ERG: variants seen among roughly 807,000 people sequenced by gnomAD.
ERG encodes the protein transcriptional regulator ERG.
A neutral mutation model predicts 55.3 loss-of-function variants in ERG; 9 were observed. The ratio of observed to expected loss-of-function variants is 0.16; its 90% CI spans 0.10 to 0.28. The LOEUF is 0.28. ERG is among the 10% of genes least tolerant of loss of function. ERG has a pLI of 1.00. For missense variants in ERG, 434 were observed against 631.6 expected (o/e 0.69, Z 3.35); for synonymous variants, 223 against 237.3 (o/e 0.94, Z 0.55).
chr21:38,441,965 C>T (rs989420154), intron 2 of ERG, among the ~76,000 whole-genome samples: 4 of 152,234 alleles, frequency 2.6e-5, no homozygotes, highest in Non-Finnish European at 5.9e-5. Context: ...TGATGGTCTT[C>T]ACTCGGTATC....
At chr21:38,541,093 C>T (rs1601212498) in intron 2 of ERG, among the ~76,000 whole-genome samples, 1 of 152,156 alleles carries the variant, frequency 6.6e-6, no homozygotes, top group Non-Finnish European at 1.5e-5. Context: ...CACTGTGGTA[C>T]GTCTATCTGG....
In ERG at chr21:38,391,715, G is replaced by C. The variant is rs2146429335; in HGVS notation, c.815C>G (p.Ala272Gly). The change falls in exon 8 of 10, where the codon GCT becomes GGT. Residue 272 changes from alanine to glycine, a missense_variant and splice_region_variant. This residue lies in a region of ERG where 99 missense variants were observed against 145.6 expected (regional missense o/e 0.68). Transcript: ENST00000288319. ...CACTGTGGAAGGAGATGGTTGAGCA[G>C]CTGAAAATCCAGAAATACAAAAGGC... ...GHGHPTPQSK[A>G]AQPSPSTVPK... 1.2e-6 allele frequency: 2 copies of C among 1,613,508 alleles called. No homozygotes were observed. The highest frequency in any genetic ancestry group is 4.5e-5 in the East Asian group (2 of 44,866).
intron 1 of ERG, among the ~76,000 whole-genome samples, chr21:38,492,920 A>G (rs2059348722): frequency 6.6e-6 from 1 of 152,218 alleles, no homozygotes; most frequent in Non-Finnish European, 1.5e-5. Context: ...AAGAAGTACA[A>G]ATAAAAATGA....
intron 3 of ERG, among the ~76,000 whole-genome samples, chr21:38,413,860 A>G (rs912013281): frequency 2.0e-5 from 3 of 151,984 alleles, no homozygotes; most frequent in African/African-American, 7.3e-5. Flanking sequence ...AAATGTTGCT[A>G]TCCCCAGAGT....
intron 2 of ERG, among the ~76,000 whole-genome samples, chr21:38,566,610 G>A (rs1275271555): frequency 6.6e-6 from 1 of 152,158 alleles, no homozygotes; most frequent in African/African-American, 2.4e-5. Flanking sequence ...CTGATGTTTT[G>A]AAACCCAAGG....
At chr21:38,426,443 CTT>C (rs1485168640) in intron 2 of ERG, among the ~76,000 whole-genome samples, 1 of 152,170 alleles carries the variant, frequency 6.6e-6, no homozygotes, top group Non-Finnish European at 1.5e-5. Context: ...AGGAAAAAGA[CTT>C]TGCCCAGATG....
intron 1 of ERG, among the ~76,000 whole-genome samples, chr21:38,655,540 C>A (rs2146992112): frequency 6.6e-6 from 1 of 152,308 alleles, no homozygotes; most frequent in East Asian, 1.9e-4. Context: ...CTCTTCTCAC[C>A]CTTTAGCAAT....
chr21:38,519,549 C>G (rs2059578156), intron 2 of ERG, among the ~76,000 whole-genome samples: 1 of 152,186 alleles, frequency 6.6e-6, no homozygotes, highest in South Asian at 2.1e-4. Context: ...TGTGGTGACT[C>G]TCATTTGCTT....
chr21:38,409,488 TAA>T (rs71330329), intron 3 of ERG, among the ~76,000 whole-genome samples: 6 of 79,528 alleles, frequency 7.5e-5, no homozygotes, highest in Admixed American at 3.4e-4. Context: ...CTCCGTCTCA[TAA>T]AAAAAAAAAA....
chr21:38,392,308 T>C (rs1302712500), intron 7 of ERG, 68 bp downstream of exon 7: 3 of 1,275,454 alleles, frequency 2.4e-6, no homozygotes, highest in Non-Finnish European at 3.4e-6. Context: ...GAAATTATTA[T>C]ATACTCCATC....
upstream of ERG, among the ~76,000 whole-genome samples, chr21:38,501,849 T>A (rs1419969059): frequency 6.6e-6 from 1 of 152,240 alleles, no homozygotes; most frequent in African/African-American, 2.4e-5. Flanking sequence ...CCTCACATTT[T>A]ACTCCAAAGA....
chr21:38,556,708 C>T (rs934810076), intron 2 of ERG, among the ~76,000 whole-genome samples: 9 of 152,116 alleles, frequency 5.9e-5, no homozygotes, highest in African/African-American at 1.9e-4. Context: ...AAAAGAAAGG[C>T]TTCTGAGGAC....
intron 3 of ERG, among the ~76,000 whole-genome samples, chr21:38,411,486 T>C (rs1169546293): frequency 6.6e-6 from 1 of 152,126 alleles, no homozygotes; most frequent in Admixed American, 6.6e-5. Context: ...TTTTGTATTT[T>C]TAATAGAGAT....
chr21:38,368,708 T>C, the ERG span, among the ~76,000 whole-genome samples: 6 of 152,192 alleles, frequency 3.9e-5, no homozygotes, highest in Admixed American at 2.0e-4. Flanking sequence ...GACTATTTCA[T>C]CACTCAGGTA....
At chr21:38,631,141 C>T (rs1049581816) in intron 1 of ERG, among the ~76,000 whole-genome samples, 4 of 152,068 alleles carry the variant, frequency 2.6e-5, no homozygotes, top group African/African-American at 4.8e-5. Context: ...TTGCTTTTTC[C>T]GGGGAGTTGA....
At chr21:38,463,448 CT>C (rs2146601462) in intron 1 of ERG, among the ~76,000 whole-genome samples, 1 of 152,266 alleles carries the variant, frequency 6.6e-6, no homozygotes, top group East Asian at 1.9e-4. Context: ...AGGGCAGAGA[CT>C]TTTTTCTATT....
intron 2 of ERG, among the ~76,000 whole-genome samples, chr21:38,567,341 T>C (rs1179950396): frequency 2.0e-5 from 3 of 152,224 alleles, no homozygotes; most frequent in Non-Finnish European, 2.9e-5. Context: ...TATCTTGATA[T>C]TTTAAAGCAA....
chr21:38,615,377 G>A (rs954283991), intron 1 of ERG, among the ~76,000 whole-genome samples: 1 of 152,078 alleles, frequency 6.6e-6, no homozygotes, highest in Non-Finnish European at 1.5e-5. Context: ...ACTTGTCATG[G>A]AGCCTAAAAT....
intron 2 of ERG, among the ~76,000 whole-genome samples, chr21:38,517,098 AACAG>A (rs886509295): frequency 6.6e-6 from 1 of 152,106 alleles, no homozygotes; most frequent in Non-Finnish European, 1.5e-5. Flanking sequence ...GGCAAGAGAA[AACAG>A]ACAAATGAGA....
Sources: allele counts gnomAD v4.1 joint callset (sites outside exome capture counted in the v4.1 genomes callset), GRCh38; gene constraint gnomAD v4.1.1; regional missense constraint gnomAD v4.1.1; transcripts MANE v1.5; gene names NCBI Gene and HGNC (gene_info 2026-07-23, HGNC 2026-07-21).